Variants in GPR158 observed in about 807,000 individuals in gnomAD.
GPR158 encodes the protein G protein-coupled receptor 158, also known as metabotropic glycine receptor.
Under a neutral mutation model 78.2 loss-of-function variants are expected in GPR158, and 30 were observed. The observed-to-expected ratio is 0.38, with a 90% confidence interval of 0.29 to 0.52. GPR158 has a LOEUF of 0.52. Ranked by LOEUF, GPR158 falls within the 20% of genes least tolerant of loss-of-function variation. The probability of loss-of-function intolerance (pLI) is 0.83; values close to 1 mark genes in which losing one functional copy is unlikely to be tolerated. For synonymous variants in GPR158, 581 were observed against 591.1 expected, an observed-to-expected ratio of 0.98 and a Z score of 0.25; for missense variants, 1,463 against 1,523.5, an observed-to-expected ratio of 0.96 and a Z score of 0.66.
intron 2 of GPR158, among the ~76,000 whole-genome samples, chr10:25,367,035 G>GT (rs1267633561): frequency 2.0e-5 from 3 of 151,520 alleles, no homozygotes; most frequent in African/African-American, 7.3e-5. Context: ...TTGATCAAAA[G>GT]TTTTTAATTT....
At chr10:25,586,908 A>G (rs776900355) in intron 7 of GPR158, among the ~76,000 whole-genome samples, 24 of 152,346 alleles carry the variant, frequency 1.6e-4, no homozygotes, top group African/African-American at 5.0e-4. Flanking sequence ...TGATCACTGT[A>G]CAGAAGGCCA....
chr10:25,511,766 CCAGCACCCTTTGTTGA>C (rs1412570626), intron 5 of GPR158, among the ~76,000 whole-genome samples: 1 of 152,062 alleles, frequency 6.6e-6, no homozygotes, highest in Non-Finnish European at 1.5e-5. Context: ...GCCAATTATC[CCAGCACCCTTTGTTGA>C]AAAGGGTGTC....
At chr10:25,485,020 A>G (rs752389269) in intron 5 of GPR158, among the ~76,000 whole-genome samples, 1 of 152,138 alleles carries the variant, frequency 6.6e-6, no homozygotes, top group Non-Finnish European at 1.5e-5. Context: ...TGTGATGTCT[A>G]CGTTTATCTC....
At chr10:25,503,950 G>A (rs56209129) in intron 5 of GPR158, among the ~76,000 whole-genome samples, 3,745 of 151,368 alleles carry the variant, frequency 0.025, 177 homozygotes, top group African/African-American at 0.085. Context: ...GAGTGCGATG[G>A]GGTGACCTTG....
At chr10:25,221,386 A>G (rs568163089) in intron 2 of GPR158, among the ~76,000 whole-genome samples, 1 of 152,326 alleles carries the variant, frequency 6.6e-6, no homozygotes, top group African/African-American at 2.4e-5. Context: ...CTGAAGTTTG[A>G]CTTTAGTCAA....
At chr10:25,316,913 ATGTG>A (rs1270505797) in intron 2 of GPR158, among the ~76,000 whole-genome samples, 2 of 79,812 alleles carry the variant, frequency 2.5e-5, no homozygotes, top group Admixed American at 1.1e-4. Context: ...GTGTGTGTTT[ATGTG>A]TGTGTGTATG....
intron 5 of GPR158, among the ~76,000 whole-genome samples, chr10:25,504,080 A>G (rs1302248308): frequency 6.6e-6 from 1 of 151,788 alleles, no homozygotes; most frequent in Non-Finnish European, 1.5e-5. Context: ...TAATAGACAT[A>G]GGGTTTCGCC....
At chr10:25,231,364 A>T (rs181871842) in intron 2 of GPR158, among the ~76,000 whole-genome samples, 109 of 152,352 alleles carry the variant, frequency 7.2e-4, no homozygotes, top group African/African-American at 2.3e-3. Context: ...ATTTTTAAAA[A>T]TAATCTAATT....
intron 5 of GPR158, among the ~76,000 whole-genome samples, chr10:25,537,993 A>G (rs57222731): frequency 0.022 from 3,281 of 152,256 alleles, 111 homozygotes; most frequent in African/African-American, 0.075. Context: ...ATTTCTTTAT[A>G]GTGGTGCAAG....
At chr10:25,369,128 C>T (rs1162136497) in intron 2 of GPR158, among the ~76,000 whole-genome samples, 1 of 151,760 alleles carries the variant, frequency 6.6e-6, no homozygotes, top group Admixed American at 6.6e-5. Context: ...GACAATTTGT[C>T]TTCCTCTTTT....
chr10:25,402,044 T>C (rs1834454221), intron 3 of GPR158, among the ~76,000 whole-genome samples: 1 of 152,134 alleles, frequency 6.6e-6, no homozygotes, highest in Non-Finnish European at 1.5e-5. Flanking sequence ...GTGAACAGAC[T>C]GGTGGCACAC....
At chr10:25,452,956 A>T (rs566474387) in intron 4 of GPR158, among the ~76,000 whole-genome samples, 1 of 152,246 alleles carries the variant, frequency 6.6e-6, no homozygotes, top group Non-Finnish European at 1.5e-5. Flanking sequence ...CTTAGATTTC[A>T]CATCTGAGTG....
At chr10:25,265,455 A>G (rs1338946058) in intron 2 of GPR158, among the ~76,000 whole-genome samples, 1 of 152,144 alleles carries the variant, frequency 6.6e-6, no homozygotes, top group East Asian at 1.9e-4. Flanking sequence ...CATGTAATAG[A>G]AAGGAGACTT....
intron 2 of GPR158, among the ~76,000 whole-genome samples, chr10:25,320,845 A>G (rs1037011985): frequency 2.0e-5 from 3 of 152,194 alleles, no homozygotes; most frequent in Non-Finnish European, 4.4e-5. Flanking sequence ...AGGAAATGTA[A>G]ATACTGTTTT....
chr10:25,381,757 ATTAAC>A lies in GPR158; in HGVS notation c.1009-14150_1009-14146del, dbSNP rs1194800257. ...TCTTGAATTCAAAGATATTATTCATATTAACTTATTTTGTTTAGCATTTTTTATTT... is the reference window on the plus strand; with the variant it reads ...TCTTGAATTCAAAGATATTATTCATATTATTTTGTTTAGCATTTTTTATTT... On this transcript the variant is annotated intron_variant, in intron 2 of 10. Coordinates refer to ENST00000376351, the MANE Select transcript of GPR158 (RefSeq NM_020752.3). Among the ~76,000 whole-genome samples, 16 of 152,306 alleles carry A rather than the reference ATTAAC, an allele frequency of 1.1e-4. No individual in the cohort carries two copies. The East Asian group carries it at 3.1e-3, about 29-fold the overall frequency.
At chr10:25,223,522 A>G (rs1167538037) in intron 2 of GPR158, among the ~76,000 whole-genome samples, 1 of 152,204 alleles carries the variant, frequency 6.6e-6, no homozygotes, top group Non-Finnish European at 1.5e-5. Flanking sequence ...GTTACTGGGA[A>G]TAGTCTTTCA....
At chr10:25,444,497 G>A (rs1010579160) in intron 4 of GPR158, among the ~76,000 whole-genome samples, 8 of 151,140 alleles carry the variant, frequency 5.3e-5, no homozygotes, top group African/African-American at 1.9e-4. Context: ...TGGGGGAAAT[G>A]TGGGCGCATG....
In GPR158 at chr10:25,252,388, C is replaced by G. The variant is rs1427593732; in HGVS notation, c.1008+31231C>G. On this transcript the variant is annotated intron_variant, in intron 2 of 10. Transcript: ENST00000376351. The stretch of plus-strand genomic sequence containing the variant: ...GCGTTCCTTTGGAGGAGGAGAGGCA[C>G]TCTGATTTTTAGAGCTTCCAGTTTT... 6.1e-4 allele frequency among the ~76,000 whole-genome samples: 93 copies of G among 152,330 alleles called. 1 individual carries two copies. The highest frequency in any genetic ancestry group is 2.0e-3 in the African/African-American group (84 of 41,576).
chr10:25,212,073 C>T (rs574622712), intron 1 of GPR158, among the ~76,000 whole-genome samples: 21 of 152,268 alleles, frequency 1.4e-4, no homozygotes, highest in Middle Eastern at 3.4e-3. Context: ...TTTATACTTT[C>T]ATTTGATGAG....
Sources: allele counts gnomAD v4.1 joint callset (sites outside exome capture counted in the v4.1 genomes callset), GRCh38; gene constraint gnomAD v4.1.1; transcripts MANE v1.5; gene names NCBI Gene and HGNC (gene_info 2026-07-23, HGNC 2026-07-21).